Variants in ALDH1A1 observed in about 807,000 individuals in gnomAD.
ALDH1A1 encodes the protein aldehyde dehydrogenase 1 family member A1, also known as aldehyde dehydrogenase 1A1.
ALDH1A1 carries 19 observed loss-of-function variants against 62.1 expected under a neutral mutation model. The ratio of observed to expected loss-of-function variants is 0.31; its 90% CI spans 0.21 to 0.45. The LOEUF (loss-of-function observed/expected upper bound fraction) is 0.45. Ranked by LOEUF, ALDH1A1 falls within the 20% of genes least tolerant of loss-of-function variation. ALDH1A1 has a pLI of 1.00. For missense variants in ALDH1A1, 521 were observed against 607.1 expected (o/e 0.86, Z 1.49); for synonymous variants, 231 against 215.9 (o/e 1.07, Z -0.61).
chr9:72,934,185 G>A (rs1208273970), intron 2 of ALDH1A1, among the ~76,000 whole-genome samples: 1 of 152,090 alleles, frequency 6.6e-6, no homozygotes, highest in Non-Finnish European at 1.5e-5. Flanking sequence ...GCCTTCCAAC[G>A]TGGTGGGATT....
intron 7 of ALDH1A1, 131 bp from the exon 8 acceptor site, chr9:72,918,953 T>G: frequency 9.7e-6 from 6 of 618,926 alleles, no homozygotes; most frequent in Middle Eastern, 2.9e-4. Flanking sequence ...AATGGCTTTT[T>G]TTTTTGAGAC....
At chr9:72,945,753 C>A (rs1313724050) in intron 1 of ALDH1A1, among the ~76,000 whole-genome samples, 1 of 151,784 alleles carries the variant, frequency 6.6e-6, no homozygotes, top group Admixed American at 6.6e-5. Flanking sequence ...CTGCTTTGCA[C>A]CCTAACCCTG....
intron 2 of ALDH1A1, among the ~76,000 whole-genome samples, chr9:72,936,633 T>G (rs1320887708): frequency 6.6e-6 from 1 of 152,126 alleles, no homozygotes; most frequent in Non-Finnish European, 1.5e-5. Flanking sequence ...AGGTGAAGAA[T>G]AAATTTCTCT....
chr9:72,945,901 A>G (rs1311286828), intron 1 of ALDH1A1, among the ~76,000 whole-genome samples: 1 of 152,058 alleles, frequency 6.6e-6, no homozygotes, highest in African/African-American at 2.4e-5. Flanking sequence ...AAAACAAAAA[A>G]TAGGAGAAAT....
At chr9:72,924,258 A>T in intron 6 of ALDH1A1, 126 bp from the exon 7 acceptor site, 1 of 603,622 alleles carries the variant, frequency 1.7e-6, no homozygotes, top group Non-Finnish European at 2.9e-6. Flanking sequence ...AATTCACCCA[A>T]CTGGCTCTAT....
chr9:72,930,758 AATGTTT>A, intron 3 of ALDH1A1, 115 bp downstream of exon 3: 1 of 1,207,018 alleles, frequency 8.3e-7, no homozygotes, highest in Non-Finnish European at 1.2e-6. Context: ...TGGGACAAAA[AATGTTT>A]TCATTTTGTT....
At chr9:72,952,877 T>A (rs1034088164) in intron 1 of ALDH1A1, 58 bp downstream of exon 1, 5 of 1,591,164 alleles carry the variant, frequency 3.1e-6, no homozygotes, top group Non-Finnish European at 4.3e-6. Flanking sequence ...TTTAATGCTT[T>A]ACATAAATGC....
intron 2 of ALDH1A1, among the ~76,000 whole-genome samples, chr9:72,939,831 C>G (rs1014842697): frequency 6.6e-6 from 1 of 151,992 alleles, no homozygotes; most frequent in Admixed American, 6.6e-5. Context: ...GATTTCTCTA[C>G]TTTATAACCT....
chr9:72,902,683 G>A (rs564277057), intron 12 of ALDH1A1, among the ~76,000 whole-genome samples: 60 of 152,012 alleles, frequency 3.9e-4, no homozygotes, highest in Admixed American at 8.5e-4. Context: ...TAATAAGTGG[G>A]ATTTTTGTCA....
At chr9:72,931,333 T>C (rs1830279783) in intron 2 of ALDH1A1, among the ~76,000 whole-genome samples, 1 of 152,254 alleles carries the variant, frequency 6.6e-6, no homozygotes, top group Non-Finnish European at 1.5e-5. Flanking sequence ...ACTTTATACC[T>C]ATTAGCTCAT....
At chr9:72,924,246 A>G (rs1053778533) in intron 6 of ALDH1A1, 114 bp from the exon 7 acceptor site, 2 of 650,072 alleles carry the variant, frequency 3.1e-6, no homozygotes, top group African/African-American at 3.7e-5. Flanking sequence ...CTAGAAAAAA[A>G]TAATTCACCC....
intron 2 of ALDH1A1, among the ~76,000 whole-genome samples, chr9:72,932,450 A>G (rs1830294371): frequency 6.6e-6 from 1 of 152,190 alleles, no homozygotes; most frequent in Non-Finnish European, 1.5e-5. Flanking sequence ...TATCACCAAA[A>G]TAATATGATC....
At position 72,915,341 on chromosome 9, in the gene ALDH1A1, A is replaced by G. The variant is rs907369919; in HGVS notation, c.1035+1579T>C. On this transcript the variant is annotated intron_variant, in intron 9 of 12. Transcript: ENST00000297785. ...GGAAAGTACTGCCCAACAATTAGGC[A>G]TTAGGTATCTTAGGTATTCTCTCCT... Among the ~76,000 whole-genome samples the G allele has an allele frequency of 6.6e-5, 10 of 152,296 alleles. No homozygotes were observed. The South Asian group carries it at 2.1e-3, about 32-fold the overall frequency.
chr9:72,927,102 G>A lies in ALDH1A1; in HGVS notation c.504+14C>T, dbSNP rs752916840. On this transcript the variant is annotated intron_variant, in intron 5 of 12. Coordinates refer to ENST00000297785, the MANE Select transcript of ALDH1A1 (RefSeq NM_000689.5). ...TCTTTTTAAAATTGAGAATTATATA[G>A]GAGAAAAGCTTACAGGAATGATTTG... 1.3e-5 allele frequency: 21 copies of A among 1,582,476 alleles called. No individual in the cohort carries two copies. Among genetic ancestry groups the A allele is most frequent in the East Asian group, 9.0e-5 (4 of 44,648 alleles).
At chr9:72,947,992 G>C (rs552092284) in intron 1 of ALDH1A1, among the ~76,000 whole-genome samples, 73 of 152,020 alleles carry the variant, frequency 4.8e-4, no homozygotes, top group African/African-American at 1.7e-3. Context: ...AGGAGAGAAA[G>C]GACTAAGTAG....
Position 72,927,144 on chromosome 9 carries a change from G to A in ALDH1A1, c.476C>T (p.Pro159Leu). The change falls in exon 5 of 13, where the codon CCT becomes CTT. Residue 159 changes from proline (P) to leucine (L), a missense_variant. Transcript: ENST00000297785. ...GNFFTYTRHE[P>L]IGVCGQIIPW... The stretch of plus-strand genomic sequence containing the variant: ...AATGATTTGGCCACATACACCAATA[G>A]GTTCATGTCTTGTATATGTAAAAAA... 6.2e-7 allele frequency: 1 copy of A among 1,607,678 alleles called. No homozygotes were observed. The highest frequency in any genetic ancestry group is 8.5e-7 in the Non-Finnish European group (1 of 1,176,716).
intron 1 of ALDH1A1, among the ~76,000 whole-genome samples, chr9:72,942,952 C>T (rs1307496225): frequency 6.6e-6 from 1 of 152,030 alleles, no homozygotes; most frequent in Non-Finnish European, 1.5e-5. Flanking sequence ...TGTTAGATAT[C>T]TACATATCAG....
chr9:72,901,409 C>T (rs1829801876), intron 12 of ALDH1A1, 129 bp from the exon 13 acceptor site: 2 of 576,064 alleles, frequency 3.5e-6, no homozygotes, highest in Non-Finnish European at 6.0e-6. Flanking sequence ...TTCTTGTGTA[C>T]AGAGCATTTT....
At chr9:72,949,647 TTGTG>T (rs35095299) in intron 1 of ALDH1A1, among the ~76,000 whole-genome samples, 8 of 148,946 alleles carry the variant, frequency 5.4e-5, no homozygotes, top group African/African-American at 1.7e-4. Flanking sequence ...TAATTATTTA[TTGTG>T]TGTGTGTGTG....
Sources: gnomAD v4.1 joint callset for allele counts (sites outside exome capture counted in the v4.1 genomes callset) on GRCh38, gnomAD v4.1.1 for gene constraint, MANE v1.5 for transcripts, NCBI Gene and HGNC (gene_info 2026-07-23, HGNC 2026-07-21) for gene names.